CLASP2: variants seen among roughly 807,000 people sequenced by gnomAD.
The protein encoded by CLASP2 is cytoplasmic linker associated protein 2.
In CLASP2, 47 loss-of-function variants were observed where a neutral mutation model predicts 194.4. The ratio of observed to expected loss-of-function variants is 0.24; its 90% confidence interval spans 0.19 to 0.31. CLASP2 has a LOEUF of 0.31. Among genes scored for constraint, CLASP2 ranks in the 10% least tolerant of loss-of-function variants. The probability of loss-of-function intolerance (pLI) is 1.00; values close to 1 mark genes in which losing one functional copy is unlikely to be tolerated. For missense variants in CLASP2, 1,445 were observed against 1,823.6 expected (o/e 0.79, Z 3.78); for synonymous variants, 619 against 633.5 (o/e 0.98, Z 0.34).
chr3:33,509,844 C>CT (rs1229263735), intron 37 of CLASP2, among the ~76,000 whole-genome samples: 2 of 152,134 alleles, frequency 1.3e-5, no homozygotes, highest in Non-Finnish European at 2.9e-5. Context: ...CACATTACAT[C>CT]TATGACTATA....
chr3:33,608,845 C>A (rs540175883), intron 13 of CLASP2, among the ~76,000 whole-genome samples: 2 of 149,810 alleles, frequency 1.3e-5, no homozygotes, highest in African/African-American at 4.9e-5. Context: ...CTCTGCCTCC[C>A]GGGTTCAAGT....
intron 15 of CLASP2, 40 bp from the exon 16 acceptor site, chr3:33,606,798 AC>A (rs1363486531): frequency 2.2e-6 from 3 of 1,392,278 alleles, no homozygotes; most frequent in Non-Finnish European, 3.0e-6. Flanking sequence ...TAATAGCTTT[AC>A]ATAATTAGAC....
intron 37 of CLASP2, among the ~76,000 whole-genome samples, chr3:33,505,931 A>G (rs2048047353): frequency 6.6e-6 from 1 of 152,216 alleles, no homozygotes; most frequent in African/African-American, 2.4e-5. Flanking sequence ...ACCACCTAAA[A>G]CAAACAGGAA....
chr3:33,506,765 T>C (rs1297152096), intron 37 of CLASP2, among the ~76,000 whole-genome samples: 1 of 152,194 alleles, frequency 6.6e-6, no homozygotes, highest in East Asian at 1.9e-4. Flanking sequence ...CACAAAAAAC[T>C]GTGATAATCA....
intron 8 of CLASP2, among the ~76,000 whole-genome samples, chr3:33,633,412 G>T (rs759097191): frequency 1.3e-5 from 2 of 152,170 alleles, no homozygotes; most frequent in African/African-American, 2.4e-5. Flanking sequence ...CGACTCCCCA[G>T]TGTTAAGCAG....
chr3:33,594,116 T>C (rs1209119971), intron 20 of CLASP2, among the ~76,000 whole-genome samples: 1 of 152,208 alleles, frequency 6.6e-6, no homozygotes, highest in Non-Finnish European at 1.5e-5. Flanking sequence ...AGTGCTGGGA[T>C]TTCAGGTGTG....
Position 33,598,520 on chromosome 3 carries a change from TATTA to T in CLASP2, c.1925-1790_1925-1787del, listed in dbSNP as rs146226743. 9.4e-3 allele frequency among the ~76,000 whole-genome samples: 1,424 copies of T among 152,220 alleles called. 29 individuals are homozygous for T. The highest frequency in any genetic ancestry group is 0.032 in the African/African-American group (1,339 of 41,540). ...CTCACACCTTCCACAGCAACTTAGC[TATTA>T]ATTATCTCCTTTCATCCTTACACTT... On this transcript the variant is annotated intron_variant, in intron 18 of 38. Transcript: ENST00000682230.
At chr3:33,671,817 C>A (rs184613290) in intron 6 of CLASP2, among the ~76,000 whole-genome samples, 1 of 152,190 alleles carries the variant, frequency 6.6e-6, no homozygotes, top group African/African-American at 2.4e-5. Flanking sequence ...GAGGGTCCTA[C>A]GCCCACGGAG....
intron 6 of CLASP2, among the ~76,000 whole-genome samples, chr3:33,674,092 C>T (rs538093436): frequency 7.2e-5 from 11 of 152,258 alleles, no homozygotes; most frequent in Non-Finnish European, 1.2e-4. Flanking sequence ...ACCAAGCGGA[C>T]CTAATAGACA....
intron 6 of CLASP2, among the ~76,000 whole-genome samples, chr3:33,668,188 C>T (rs560232963): frequency 9.2e-5 from 14 of 152,154 alleles, no homozygotes; most frequent in Admixed American, 3.3e-4. Context: ...CATTGCACTC[C>T]GGCTCAGGTG....
chr3:33,707,358 T>C (rs893117794), intron 1 of CLASP2, among the ~76,000 whole-genome samples: 15 of 152,224 alleles, frequency 9.9e-5, no homozygotes, highest in African/African-American at 3.6e-4. Context: ...GTTTTCACAA[T>C]TAGTAAGTAA....
intron 34 of CLASP2, among the ~76,000 whole-genome samples, chr3:33,525,613 T>G (rs1575860567): frequency 6.6e-6 from 1 of 152,120 alleles, no homozygotes; most frequent in African/African-American, 2.4e-5. Context: ...TCAGGAGATC[T>G]CCCTGTGAAC....
At chr3:33,521,599 TGGA>T (rs939909231) in intron 34 of CLASP2, among the ~76,000 whole-genome samples, 30 of 152,194 alleles carry the variant, frequency 2.0e-4, no homozygotes, top group Admixed American at 1.9e-3. Context: ...GACTGAACAC[TGGA>T]GGAGAAGAAC....
intron 1 of CLASP2, among the ~76,000 whole-genome samples, chr3:33,716,130 A>G (rs1559726371): frequency 6.6e-6 from 1 of 152,212 alleles, no homozygotes; most frequent in East Asian, 1.9e-4. Flanking sequence ...TAACAAGGAA[A>G]AAGGAAGATT....
At chr3:33,640,722 G>A (rs2081128752) in intron 8 of CLASP2, among the ~76,000 whole-genome samples, 1 of 151,898 alleles carries the variant, frequency 6.6e-6, no homozygotes, top group Non-Finnish European at 1.5e-5. Context: ...AAAAAGAGTA[G>A]CAGCCAAAAT....
intron 30 of CLASP2, among the ~76,000 whole-genome samples, chr3:33,549,860 T>C (rs1349648949): frequency 6.6e-6 from 1 of 151,660 alleles, no homozygotes; most frequent in Non-Finnish European, 1.5e-5. Context: ...CACCTTAGCC[T>C]CCCAGGTAGC....
At chr3:33,633,026 G>T (rs1011447047) in intron 8 of CLASP2, among the ~76,000 whole-genome samples, 2 of 152,112 alleles carry the variant, frequency 1.3e-5, no homozygotes, top group Non-Finnish European at 2.9e-5. Flanking sequence ...AGGGGGTGTT[G>T]GAGAGAGACT....
At position 33,498,625 on chromosome 3, in the gene CLASP2, G is replaced by T; in HGVS notation, c.*6C>A. 6.3e-7 allele frequency: 1 copy of T among 1,599,026 alleles called. No homozygotes were observed. Among genetic ancestry groups the T allele is most frequent in the Non-Finnish European group, 8.6e-7 (1 of 1,167,894 alleles). ...TGAGAGACCTGGTTCGCTGTGATGAGCTTCACTAACTTTGTCCAGAAACAT... is the reference window on the plus strand; with the variant it reads ...TGAGAGACCTGGTTCGCTGTGATGATCTTCACTAACTTTGTCCAGAAACAT... On this transcript the variant is annotated 3_prime_UTR_variant, in exon 39 of 39. Transcript: ENST00000682230.
chr3:33,698,680 A>G (rs2092147386), intron 1 of CLASP2, among the ~76,000 whole-genome samples: 1 of 152,234 alleles, frequency 6.6e-6, no homozygotes, highest in Admixed American at 6.5e-5. Context: ...CAATCATAAC[A>G]TTGAAACCTA....
Sources: allele counts gnomAD v4.1 joint callset (sites outside exome capture counted in the v4.1 genomes callset), GRCh38; gene constraint gnomAD v4.1.1; transcripts MANE v1.5; gene names NCBI Gene and HGNC (gene_info 2026-07-23, HGNC 2026-07-21).